SHANK2: variants seen among roughly 807,000 people sequenced by gnomAD.
SHANK2 encodes the protein SH3 and multiple ankyrin repeat domains 2.
Under a neutral mutation model 133.7 loss-of-function variants are expected in SHANK2, and 43 were observed. The observed-to-expected ratio is 0.32, with a 90% CI of 0.25 to 0.41. The LOEUF (loss-of-function observed/expected upper bound fraction) is 0.41. SHANK2 is among the 10% of genes least tolerant of loss of function. The pLI is 1.00. For synonymous variants in SHANK2, 1,017 were observed against 952.8 expected, an observed-to-expected ratio of 1.07 and a Z score of -1.24; for missense variants, 1,994 against 2,235.8, an observed-to-expected ratio of 0.89 and a Z score of 2.18.
At chr11:71,104,122 T>G (rs1555097304) in intron 6 of SHANK2, among the ~76,000 whole-genome samples, 1 of 152,142 alleles carries the variant, frequency 6.6e-6, no homozygotes. Context: ...TACAGCAATG[T>G]GAAAATGGCC....
At chr11:71,247,230 G>A (rs1163269745) in intron 1 of SHANK2, among the ~76,000 whole-genome samples, 2 of 152,154 alleles carry the variant, frequency 1.3e-5, no homozygotes, top group Admixed American at 6.5e-5. Flanking sequence ...ATATCACAGT[G>A]GGTAAAGAGT....
intron 17 of SHANK2, among the ~76,000 whole-genome samples, chr11:70,586,949 C>G (rs986148869): frequency 6.6e-6 from 1 of 152,172 alleles, no homozygotes; most frequent in Non-Finnish European, 1.5e-5. Context: ...CTCCCAGAGA[C>G]GACCTCAAAC....
intron 17 of SHANK2, among the ~76,000 whole-genome samples, chr11:70,652,533 G>A (rs960492300): frequency 1.6e-4 from 24 of 152,272 alleles, no homozygotes; most frequent in Middle Eastern, 3.4e-3. Context: ...GACTGAGGCC[G>A]GGTGGGGTGC....
At chr11:70,539,741 G>A (rs1346518254) in intron 17 of SHANK2, among the ~76,000 whole-genome samples, 1 of 152,230 alleles carries the variant, frequency 6.6e-6, no homozygotes, top group Non-Finnish European at 1.5e-5. Context: ...TGACCCAGCA[G>A]GCTGGGGTTT....
At chr11:70,644,557 G>T (rs2061234820) in intron 17 of SHANK2, among the ~76,000 whole-genome samples, 1 of 152,216 alleles carries the variant, frequency 6.6e-6, no homozygotes, top group Non-Finnish European at 1.5e-5. Context: ...CCCGGCCAAG[G>T]GCAGGACCAG....
intron 10 of SHANK2, chr11:70,908,135 A>C (rs1173160343): frequency 3.7e-6 from 1 of 268,870 alleles, no homozygotes; most frequent in Non-Finnish European, 7.5e-6. Context: ...ACTGGGAAGA[A>C]AAGTGAACTT....
intron 10 of SHANK2, among the ~76,000 whole-genome samples, chr11:70,935,296 T>C (rs1950557284): frequency 1.3e-5 from 2 of 152,104 alleles, no homozygotes; most frequent in Admixed American, 6.5e-5. Flanking sequence ...CCCATACATG[T>C]AGGGGTCTGT....
rs1186144718 is a variant in SHANK2 at position 70,955,422 on chromosome 11, G to GGTGTGTGTGTGTGTGT, written c.1108-58871_1108-58856dup. On this transcript the variant is annotated intron_variant, in intron 10 of 25. Transcript: ENST00000601538. ...GTTCTCCAGAGACACAGACCCACGG[G>GGTGTGTGTGTGTGTGT]GTGTGTGTGTGTGTGTGTGTGTGTG... Among the ~76,000 whole-genome samples, 227 of 146,558 alleles carry GGTGTGTGTGTGTGTGT rather than the reference G, an allele frequency of 1.5e-3. 1 individual carries two copies. The highest frequency in any genetic ancestry group is 5.7e-3 in the African/African-American group (222 of 38,982).
At chr11:70,955,595 G>A (rs1950909462) in intron 10 of SHANK2, among the ~76,000 whole-genome samples, 1 of 152,132 alleles carries the variant, frequency 6.6e-6, no homozygotes, top group Non-Finnish European at 1.5e-5. Context: ...TAAGGGATTG[G>A]TTTAAATGAT....
Position 70,471,347 on chromosome 11 carries a change from A to C in SHANK2, c.*1522T>G, listed in dbSNP as rs1200649674. ...ATAATAATAAAACCAAAAACCTGAC[A>C]TTCGAGTATCCTCCAAATGGGGGAG... On this transcript the variant is annotated 3_prime_UTR_variant, in exon 26 of 26. Transcript: ENST00000601538. The surrounding 1 kb of genome is among the most constrained non-coding windows in gnomAD (Gnocchi z 4.1). 2 of 398,844 alleles carry C rather than the reference A, an allele frequency of 5.0e-6. No homozygotes were observed. Among genetic ancestry groups the C allele is most frequent in the Non-Finnish European group, 8.8e-6 (2 of 226,056 alleles). The allele number at this position is 398,844 out of a possible 1,614,324, so 24.7% of individuals were successfully genotyped here.
At chr11:70,845,896 AAAC>A (rs2135448733) in intron 11 of SHANK2, among the ~76,000 whole-genome samples, 2 of 152,312 alleles carry the variant, frequency 1.3e-5, no homozygotes, top group South Asian at 4.2e-4. Context: ...TCCTGCAATG[AAAC>A]AACAAGCAAC....
At chr11:70,795,872 T>C (rs945445005) in intron 14 of SHANK2, among the ~76,000 whole-genome samples, 4 of 152,154 alleles carry the variant, frequency 2.6e-5, no homozygotes, top group Non-Finnish European at 4.4e-5. Flanking sequence ...CCCCCACAGA[T>C]TGCAGAAAGG....
At chr11:70,568,207 G>A (rs965566977) in intron 17 of SHANK2, among the ~76,000 whole-genome samples, 6 of 152,234 alleles carry the variant, frequency 3.9e-5, no homozygotes, top group Admixed American at 2.6e-4. Flanking sequence ...CCTCTTCCGC[G>A]AGACTTAAGC....
At chr11:70,789,818 G>A (rs1377821440) in intron 14 of SHANK2, among the ~76,000 whole-genome samples, 2 of 152,188 alleles carry the variant, frequency 1.3e-5, no homozygotes, top group Non-Finnish European at 1.5e-5. Context: ...ATGGAAACAG[G>A]GATGTACAGC....
chr11:70,751,585 G>C (rs1426374887), intron 14 of SHANK2, among the ~76,000 whole-genome samples: 9 of 152,166 alleles, frequency 5.9e-5, no homozygotes, highest in African/African-American at 2.2e-4. Context: ...AAGAAGTACA[G>C]ACAAAATGGT....
intron 11 of SHANK2, among the ~76,000 whole-genome samples, chr11:70,833,169 A>C (rs1948750769): frequency 6.6e-6 from 1 of 152,250 alleles, no homozygotes; most frequent in South Asian, 2.1e-4. Flanking sequence ...GAAGCCGGCG[A>C]GTGTGGCACG....
chr11:70,754,719 ATGGACCCATAAGAGTTAG>A (rs1946828601), intron 14 of SHANK2, among the ~76,000 whole-genome samples: 1 of 152,162 alleles, frequency 6.6e-6, no homozygotes, highest in Non-Finnish European at 1.5e-5. Context: ...CTTGAATACC[ATGGACCCATAAGAGTTAG>A]TGGCGGGGCC....
intron 2 of SHANK2, among the ~76,000 whole-genome samples, chr11:71,209,998 C>G (rs2135680276): frequency 6.6e-6 from 1 of 151,726 alleles, no homozygotes. Flanking sequence ...TGTGCTGAGG[C>G]ATCCATTCTT....
chr11:70,621,462 C>A (rs1393423323), intron 17 of SHANK2, among the ~76,000 whole-genome samples: 2 of 152,214 alleles, frequency 1.3e-5, no homozygotes, highest in Admixed American at 6.5e-5. Context: ...TGCCTCTGCC[C>A]CACCACACTG....
Sources: allele counts gnomAD v4.1 joint callset (sites outside exome capture counted in the v4.1 genomes callset), GRCh38; gene constraint gnomAD v4.1.1; non-coding constraint Gnocchi (gnomAD v3.1); transcripts MANE v1.5; gene names NCBI Gene and HGNC (gene_info 2026-07-23, HGNC 2026-07-21).